MTMR7: variants seen among roughly 807,000 people sequenced by gnomAD.
MTMR7 encodes phosphatidylinositol-3-phosphate phosphatase MTMR7.
MTMR7 carries 76 observed loss-of-function variants against 81.2 expected under a neutral mutation model. That is an observed-to-expected ratio of 0.94 (90% CI 0.78 to 1.13). The LOEUF (loss-of-function observed/expected upper bound fraction) is 1.13. Among genes scored for constraint, MTMR7 ranks in the 50% most tolerant of loss-of-function variants. The pLI is 0.00. For synonymous variants in MTMR7, 372 were observed against 289.8 expected (o/e 1.28, Z -2.88); for missense variants, 1,044 against 820.0 (o/e 1.27, Z -3.34).
In MTMR7 at chr8:17,397,598, C is replaced by T. The variant is rs989635726; in HGVS notation, c.24+15671G>A. On this transcript the variant is annotated intron_variant, in intron 1 of 13. Transcript: ENST00000180173. ...GTTTTTAAGGATGTTGACTCCAATC[C>T]TTGGCTCCCAGACAACATCTCTGGA... Among the ~76,000 whole-genome samples, 27 of 152,306 alleles carry T rather than the reference C, an allele frequency of 1.8e-4. 1 individual carries two copies. Among genetic ancestry groups the T allele is most frequent in the African/African-American group, 6.0e-4 (25 of 41,566 alleles).
At position 17,413,252 on chromosome 8, in the gene MTMR7, G is replaced by A. The variant is rs779441660; in HGVS notation, c.24+17C>T. 9 of 1,546,984 alleles carry A rather than the reference G, an allele frequency of 5.8e-6. No individual in the cohort carries two copies. The Admixed American group carries it at 9.8e-5, about 17-fold the overall frequency. ...ATCTCCTCCCGTCCCTCCTCCGCCCGCGCTGGTGTCACCAACCTTGGGCGT... is the reference window on the plus strand; with the variant it reads ...ATCTCCTCCCGTCCCTCCTCCGCCCACGCTGGTGTCACCAACCTTGGGCGT... On this transcript the variant is annotated intron_variant, in intron 1 of 13. Coordinates refer to ENST00000180173, the MANE Select transcript of MTMR7 (RefSeq NM_004686.5).
At chr8:17,358,454 G>A (rs373331760) in intron 4 of MTMR7, among the ~76,000 whole-genome samples, 53 of 152,160 alleles carry the variant, frequency 3.5e-4, no homozygotes, top group African/African-American at 1.3e-3. Context: ...ATCATAACAG[G>A]AATATTTTCA....
chr8:17,367,977 A>T (rs1585096531), intron 3 of MTMR7, among the ~76,000 whole-genome samples: 1 of 151,496 alleles, frequency 6.6e-6, no homozygotes, highest in East Asian at 1.9e-4. Flanking sequence ...ATTCCCAAAC[A>T]TTTCTTCTTA....
chr8:17,390,518 A>G (rs773056437), intron 1 of MTMR7, among the ~76,000 whole-genome samples: 20 of 152,212 alleles, frequency 1.3e-4, no homozygotes, highest in South Asian at 4.1e-4. Context: ...TATGTGTGCC[A>G]GAAGATTCCT....
intron 1 of MTMR7, among the ~76,000 whole-genome samples, chr8:17,406,202 G>T (rs1360673402): frequency 6.6e-6 from 1 of 152,070 alleles, no homozygotes; most frequent in Non-Finnish European, 1.5e-5. Flanking sequence ...CATCAAAACA[G>T]TGAAAAGAAA....
intron 1 of MTMR7, among the ~76,000 whole-genome samples, chr8:17,390,553 G>GC (rs1489645367): frequency 6.6e-6 from 1 of 152,146 alleles, no homozygotes; most frequent in Non-Finnish European, 1.5e-5. Context: ...AGCAGGATAA[G>GC]CAGTTGAGTG....
intron 1 of MTMR7, among the ~76,000 whole-genome samples, chr8:17,387,449 C>G (rs1397459099): frequency 6.6e-6 from 1 of 152,114 alleles, no homozygotes; most frequent in Non-Finnish European, 1.5e-5. Context: ...AATCTTGATA[C>G]AACTTTGTAA....
chr8:17,395,142 C>T (rs1489280409), intron 1 of MTMR7, among the ~76,000 whole-genome samples: 1 of 151,860 alleles, frequency 6.6e-6, no homozygotes, highest in Admixed American at 6.6e-5. Flanking sequence ...ATTCTATATA[C>T]CTCATGTAAG....
chr8:17,302,709 C>CT (rs1817201231), intron 12 of MTMR7, among the ~76,000 whole-genome samples: 1 of 61,454 alleles, frequency 1.6e-5, no homozygotes, highest in Non-Finnish European at 5.2e-5. Context: ...AATAACCCCC[C>CT]CCCCCCCGCT....
At chr8:17,364,446 A>C (rs1393391999) in intron 3 of MTMR7, among the ~76,000 whole-genome samples, 3 of 152,034 alleles carry the variant, frequency 2.0e-5, no homozygotes, top group Non-Finnish European at 2.9e-5. Context: ...TCTGAAATTT[A>C]CTCTTAGCGT....
At chr8:17,303,734 C>T (rs989199480) in intron 12 of MTMR7, among the ~76,000 whole-genome samples, 1 of 152,046 alleles carries the variant, frequency 6.6e-6, no homozygotes, top group Non-Finnish European at 1.5e-5. Context: ...CTCAGCCTCC[C>T]GAGTAGCTAG....
chr8:17,308,854 G>A lies in MTMR7; in HGVS notation c.1151+423C>T, dbSNP rs373815026. Among the ~76,000 whole-genome samples, 6 of 152,248 alleles carry A rather than the reference G, an allele frequency of 3.9e-5. 1 individual carries two copies. ...TTCATCACCACTCCAGAGACATCTG[G>A]GACAAACTGCACTCCGATACAAATG... is the stretch of plus-strand genomic sequence containing the variant. On this transcript the variant is annotated intron_variant, in intron 10 of 13. Transcript: ENST00000180173.
chr8:17,319,529 T>C (rs541895691), intron 7 of MTMR7, among the ~76,000 whole-genome samples: 25 of 152,300 alleles, frequency 1.6e-4, no homozygotes, highest in Admixed American at 3.3e-4. Context: ...TGCCACCACA[T>C]CATGGCTACC....
Position 17,313,392 on chromosome 8 carries a change from A to C in MTMR7, c.875T>G (p.Leu292Arg). The C allele has an allele frequency of 6.2e-7, 1 of 1,609,304 alleles. No individual in the cohort carries two copies. Among genetic ancestry groups the C allele is most frequent in the African/African-American group, 1.3e-5 (1 of 74,992 alleles). ...SLQKMLEVCE[L>R]KSPSMSDFLW... ...GAAATCACTCATGGAGGGAGATTTA[A>C]GTTCACACACTGCAAGATAAATCAT... Residue 292 changes from leucine to arginine, a missense_variant, in exon 8 of 14, where the codon CTT becomes CGT. Coordinates refer to ENST00000180173, the MANE Select transcript of MTMR7 (RefSeq NM_004686.5).
intron 1 of MTMR7, among the ~76,000 whole-genome samples, chr8:17,408,426 A>C (rs943011788): frequency 6.6e-6 from 1 of 151,042 alleles, no homozygotes; most frequent in African/African-American, 2.4e-5. Flanking sequence ...AAAGAACATC[A>C]TGGATTCACC....
chr8:17,394,848 C>A (rs919166697), intron 1 of MTMR7, among the ~76,000 whole-genome samples: 21 of 152,010 alleles, frequency 1.4e-4, no homozygotes, highest in African/African-American at 4.8e-4. Context: ...GTTCATTCGA[C>A]AAATTCATTC....
intron 3 of MTMR7, among the ~76,000 whole-genome samples, chr8:17,363,749 C>A (rs1056835626): frequency 6.6e-6 from 1 of 152,082 alleles, no homozygotes; most frequent in Non-Finnish European, 1.5e-5. Flanking sequence ...CAGATACAGC[C>A]TGCAGACTCT....
chr8:17,383,691 G>A (rs752560299), intron 1 of MTMR7, among the ~76,000 whole-genome samples: 3 of 152,094 alleles, frequency 2.0e-5, no homozygotes, highest in Non-Finnish European at 2.9e-5. Context: ...AAAAGATTTG[G>A]TATCTGGTAC....
intron 6 of MTMR7, among the ~76,000 whole-genome samples, chr8:17,339,491 G>A (rs1048226680): frequency 1.3e-5 from 2 of 152,148 alleles, no homozygotes; most frequent in Admixed American, 6.5e-5. Context: ...GAAATTGCCT[G>A]TTGAAAGCAT....
Sources: gnomAD v4.1 joint callset for allele counts (sites outside exome capture counted in the v4.1 genomes callset) on GRCh38, gnomAD v4.1.1 for gene constraint, MANE v1.5 for transcripts, NCBI Gene and HGNC (gene_info 2026-07-23, HGNC 2026-07-21) for gene names.